The following PTPRK variants were observed in gnomAD, a reference collection of about 807,000 sequenced individuals.
The protein encoded by PTPRK is protein tyrosine phosphatase receptor type K, also known as receptor-type tyrosine-protein phosphatase kappa.
PTPRK carries 75 observed loss-of-function variants against 178.0 expected under a neutral mutation model. The observed-to-expected ratio is 0.42, with a 90% CI of 0.35 to 0.51. The LOEUF (loss-of-function observed/expected upper bound fraction) is 0.51. Ranked by LOEUF, PTPRK falls within the 20% of genes least tolerant of loss-of-function variation. PTPRK has a pLI of 0.02. For synonymous variants in PTPRK, 637 were observed against 620.6 expected (o/e 1.03, Z -0.39); for missense variants, 1,441 against 1,797.8 (o/e 0.80, Z 3.59).
intron 6 of PTPRK, among the ~76,000 whole-genome samples, chr6:128,207,716 T>A (rs990251805): frequency 1.3e-5 from 2 of 152,174 alleles, no homozygotes; most frequent in African/African-American, 4.8e-5. Context: ...TTATAAAATA[T>A]GTTTAAGTGA....
At chr6:128,366,037 G>A (rs951341249) in intron 2 of PTPRK, among the ~76,000 whole-genome samples, 27 of 152,212 alleles carry the variant, frequency 1.8e-4, no homozygotes, top group Admixed American at 1.6e-3. Context: ...AACTATTTTA[G>A]TAGAAGACAG....
chr6:128,435,943 A>C (rs893917528), intron 1 of PTPRK, among the ~76,000 whole-genome samples: 3 of 151,770 alleles, frequency 2.0e-5, no homozygotes, highest in Non-Finnish European at 4.4e-5. Flanking sequence ...TAAATAAGTC[A>C]ACTAATTGAC....
chr6:127,977,971 T>TC (rs1196940653), intron 25 of PTPRK, among the ~76,000 whole-genome samples: 1 of 152,234 alleles, frequency 6.6e-6, no homozygotes, highest in Non-Finnish European at 1.5e-5. Context: ...CTCATTTGTA[T>TC]CATACTACTA....
At chr6:128,186,965 TACTA>T (rs1562751289) in intron 6 of PTPRK, among the ~76,000 whole-genome samples, 1 of 152,170 alleles carries the variant, frequency 6.6e-6, no homozygotes, top group African/African-American at 2.4e-5. Flanking sequence ...ATGGCTCATA[TACTA>T]ACTAATTTAA....
intron 1 of PTPRK, among the ~76,000 whole-genome samples, chr6:128,448,860 TTTTG>T (rs1469044570): frequency 2.6e-5 from 4 of 152,026 alleles, no homozygotes; most frequent in African/African-American, 9.7e-5. Context: ...GTCTGTTTGT[TTTTG>T]TTTTTGTTTT....
intron 3 of PTPRK, among the ~76,000 whole-genome samples, chr6:128,270,197 ATG>A (rs1271747245): frequency 7.9e-5 from 12 of 152,256 alleles, no homozygotes; most frequent in African/African-American, 2.4e-4. Context: ...AATATCAACC[ATG>A]TGTTATTAAA....
At chr6:128,206,720 T>A (rs895884685) in intron 6 of PTPRK, among the ~76,000 whole-genome samples, 1 of 152,128 alleles carries the variant, frequency 6.6e-6, no homozygotes, top group Non-Finnish European at 1.5e-5. Flanking sequence ...TGCCAACTCA[T>A]TTTTATGAGA....
At chr6:128,075,876 C>A (rs1228293423) in intron 11 of PTPRK, among the ~76,000 whole-genome samples, 1 of 151,896 alleles carries the variant, frequency 6.6e-6, no homozygotes, top group Non-Finnish European at 1.5e-5. Context: ...TGGTGAAATG[C>A]AAAATGGCAG....
chr6:128,207,006 C>G (rs1807100356), intron 6 of PTPRK, among the ~76,000 whole-genome samples: 1 of 152,158 alleles, frequency 6.6e-6, no homozygotes, highest in Non-Finnish European at 1.5e-5. Context: ...GCTTCCTTCA[C>G]AGCTGCCAAA....
chr6:128,268,959 CT>C (rs1819370958), intron 3 of PTPRK, among the ~76,000 whole-genome samples: 1 of 151,920 alleles, frequency 6.6e-6, no homozygotes, highest in South Asian at 2.1e-4. Context: ...AAGCTTTTTT[CT>C]TACCTTGGTA....
chr6:128,508,468 T>C (rs999465685), intron 1 of PTPRK, among the ~76,000 whole-genome samples: 2 of 152,216 alleles, frequency 1.3e-5, no homozygotes, highest in African/African-American at 4.8e-5. Context: ...CACACAACTT[T>C]CTATATATGA....
chr6:128,206,573 G>A (rs1002541407), intron 6 of PTPRK, among the ~76,000 whole-genome samples: 2 of 152,040 alleles, frequency 1.3e-5, no homozygotes, highest in African/African-American at 4.8e-5. Flanking sequence ...TATATAGGCA[G>A]ATAAGGCAAG....
chr6:128,372,016 A>ACCT (rs1836370989), intron 2 of PTPRK, among the ~76,000 whole-genome samples: 2 of 152,078 alleles, frequency 1.3e-5, no homozygotes, highest in African/African-American at 4.8e-5. Context: ...AGAGATTAGG[A>ACCT]CCTCCGAGGC....
chr6:128,157,834 T>C (rs1798150495), intron 7 of PTPRK, among the ~76,000 whole-genome samples: 1 of 152,094 alleles, frequency 6.6e-6, no homozygotes, highest in East Asian at 1.9e-4. Context: ...TTCTGGATAT[T>C]AGCCCTTTGT....
intron 13 of PTPRK, among the ~76,000 whole-genome samples, chr6:128,035,627 T>C (rs2114814719): frequency 6.6e-6 from 1 of 152,326 alleles, no homozygotes. Flanking sequence ...TATTTGCTCA[T>C]GGAAGATTGA....
At chr6:128,046,302 T>G (rs543853133) in intron 13 of PTPRK, among the ~76,000 whole-genome samples, 2 of 152,316 alleles carry the variant, frequency 1.3e-5, no homozygotes, top group African/African-American at 4.8e-5. Context: ...GCAGGAAGAA[T>G]GATACACACT....
chr6:128,507,251 A>T (rs1166056628), intron 1 of PTPRK, among the ~76,000 whole-genome samples: 1 of 152,158 alleles, frequency 6.6e-6, no homozygotes, highest in Non-Finnish European at 1.5e-5. Flanking sequence ...AACAAAAAAC[A>T]GTTTTTTAAA....
chr6:128,013,083 T>C (rs1039764620), intron 13 of PTPRK, among the ~76,000 whole-genome samples: 7 of 151,402 alleles, frequency 4.6e-5, no homozygotes, highest in Non-Finnish European at 1.0e-4. Flanking sequence ...ACTTTTCTAG[T>C]CTTATTTTAT....
At chr6:128,358,444 A>G (rs1834250847) in intron 2 of PTPRK, among the ~76,000 whole-genome samples, 2 of 152,182 alleles carry the variant, frequency 1.3e-5, no homozygotes, top group African/African-American at 4.8e-5. Flanking sequence ...CTGAATGAAA[A>G]CACTGCTCCA....
Sources: gnomAD v4.1 joint callset for allele counts (sites outside exome capture counted in the v4.1 genomes callset) on GRCh38, gnomAD v4.1.1 for gene constraint, MANE v1.5 for transcripts, NCBI Gene and HGNC (gene_info 2026-07-23, HGNC 2026-07-21) for gene names.